MYRIP: variants seen among roughly 807,000 people sequenced by gnomAD.
MYRIP encodes myosin VIIA and Rab interacting protein, also known as rab effector MyRIP.
MYRIP carries 49 observed loss-of-function variants against 98.0 expected under a neutral mutation model. That is an observed-to-expected ratio of 0.50 (90% confidence interval 0.40 to 0.63). MYRIP has a LOEUF of 0.63. MYRIP is among the 30% of genes least tolerant of loss of function. The probability of loss-of-function intolerance (pLI) is 0.00; values close to 1 mark genes in which losing one functional copy is unlikely to be tolerated. For synonymous variants in MYRIP, 404 were observed against 409.5 expected, an observed-to-expected ratio of 0.99 and a Z score of 0.16; for missense variants, 1,004 against 1,058.2, an observed-to-expected ratio of 0.95 and a Z score of 0.71.
intron 2 of MYRIP, among the ~76,000 whole-genome samples, chr3:39,958,395 C>A (rs111943908): frequency 0.13 from 19,141 of 152,190 alleles, 1,310 homozygotes; most frequent in East Asian, 0.25. Context: ...ACCAACTGAT[C>A]TTTGACAAAC....
chr3:40,051,904 G>T (rs182710587), intron 3 of MYRIP, among the ~76,000 whole-genome samples: 1 of 151,668 alleles, frequency 6.6e-6, no homozygotes, highest in African/African-American at 2.4e-5. Context: ...TATTTTTATT[G>T]ATATATCTTA....
chr3:39,993,659 T>G (rs191542574), intron 2 of MYRIP, among the ~76,000 whole-genome samples: 2 of 152,340 alleles, frequency 1.3e-5, no homozygotes, highest in Non-Finnish European at 2.9e-5. Flanking sequence ...CTTTTCTTAA[T>G]TCACTGAGAA....
intron 1 of MYRIP, among the ~76,000 whole-genome samples, chr3:39,832,646 G>A (rs4676452): frequency 0.64 from 97,496 of 152,032 alleles, 31,632 homozygotes; most frequent in African/African-American, 0.73. Flanking sequence ...ACTTTATACA[G>A]TTGTTTAGGG....
At chr3:40,023,039 A>G (rs1243636950) in intron 2 of MYRIP, among the ~76,000 whole-genome samples, 1 of 152,174 alleles carries the variant, frequency 6.6e-6, no homozygotes, top group East Asian at 1.9e-4. Flanking sequence ...TGACACACAT[A>G]TGGATTACAC....
intron 2 of MYRIP, among the ~76,000 whole-genome samples, chr3:39,964,761 A>G (rs563368542): frequency 6.6e-6 from 1 of 152,270 alleles, no homozygotes; most frequent in South Asian, 2.1e-4. Context: ...TTTGAAGCAT[A>G]CTGCAGTAGA....
At chr3:40,139,900 G>A (rs139647986) in intron 3 of MYRIP, among the ~76,000 whole-genome samples, 87 of 152,206 alleles carry the variant, frequency 5.7e-4, no homozygotes, top group African/African-American at 1.8e-3. Flanking sequence ...TTTTATTGTT[G>A]AATAATAGTC....
intron 4 of MYRIP, among the ~76,000 whole-genome samples, chr3:40,160,556 A>C (rs1229613161): frequency 6.6e-6 from 1 of 152,162 alleles, no homozygotes; most frequent in Non-Finnish European, 1.5e-5. Flanking sequence ...TGTTTACCTA[A>C]GTAAGCCTGG....
At chr3:40,225,341 G>A (rs1380446566) in intron 11 of MYRIP, among the ~76,000 whole-genome samples, 1 of 152,194 alleles carries the variant, frequency 6.6e-6, no homozygotes, top group African/African-American at 2.4e-5. Flanking sequence ...CTTGGTCTTT[G>A]GCTTTCCAAA....
chr3:40,044,427 A>C lies in MYRIP; in HGVS notation c.332+156A>C, dbSNP rs148287700. 6.6e-4 allele frequency among the ~76,000 whole-genome samples: 100 copies of C among 152,292 alleles called. No individual in the cohort carries two copies. The Middle Eastern group carries it at 0.01, about 16-fold the overall frequency. ...GCTGAAGAGAGATGCATGGATAAGG[A>C]AACCTGTTGATCTTTATAGGGAGGA... On this transcript the variant is annotated intron_variant, in intron 3 of 16. Transcript: ENST00000302541.
At chr3:39,892,048 T>C (rs200312120) in intron 1 of MYRIP, among the ~76,000 whole-genome samples, 1 of 152,252 alleles carries the variant, frequency 6.6e-6, no homozygotes, top group East Asian at 1.9e-4. Flanking sequence ...TCTAGAAAGC[T>C]TCTTCTATCC....
At chr3:39,852,015 G>A (rs540042890) in intron 1 of MYRIP, among the ~76,000 whole-genome samples, 1 of 152,144 alleles carries the variant, frequency 6.6e-6, no homozygotes, top group African/African-American at 2.4e-5. Flanking sequence ...CCAGAGGGGA[G>A]TTCTTTGTTC....
chr3:40,140,353 C>A (rs1304761960), intron 3 of MYRIP, among the ~76,000 whole-genome samples: 2 of 152,124 alleles, frequency 1.3e-5, no homozygotes, highest in African/African-American at 4.8e-5. Context: ...ATCTTTTATC[C>A]CTTCATCTGT....
Position 40,160,963 on chromosome 3 carries a change from C to T in MYRIP, c.470-1767C>T, listed in dbSNP as rs1457827913. Among the ~76,000 whole-genome samples the T allele has an allele frequency of 1.3e-5, 2 of 152,222 alleles. 1 individual carries two copies. Among genetic ancestry groups the T allele is most frequent in the South Asian group, 4.1e-4 (2 of 4,826 alleles). On this transcript the variant is annotated intron_variant, in intron 4 of 16. Coordinates refer to ENST00000302541, the MANE Select transcript of MYRIP (RefSeq NM_015460.4). ...TGGAAATGTAGAAATCACCCGTCTT[C>T]TGCGTCGCTCACGCTGGGAGCTGTA...
intron 3 of MYRIP, among the ~76,000 whole-genome samples, chr3:40,142,906 A>G (rs977630686): frequency 2.0e-5 from 3 of 152,200 alleles, no homozygotes; most frequent in African/African-American, 7.2e-5. Flanking sequence ...ACACCTACTG[A>G]GGCTTAGAAG....
chr3:39,837,010 A>G (rs1357088193), intron 1 of MYRIP, among the ~76,000 whole-genome samples: 1 of 152,170 alleles, frequency 6.6e-6, no homozygotes, highest in Non-Finnish European at 1.5e-5. Flanking sequence ...CTAATGCTGT[A>G]AGGTAAGACC....
rs1440645199 is a variant in MYRIP at position 40,251,983 on chromosome 3, C to A, written c.2531C>A (p.Thr844Asn). ...STNRTKERKG[T>N]TKDLMEPALE... ...AACAGGACTAAGGAAAGGAAAGGCA[C>A]CACCAAGGATTTGATGGTAAATGTC... Residue 844 changes from threonine to asparagine, a missense_variant, in exon 16 of 17, where the codon ACC (threonine) becomes AAC (asparagine). Thr to Asn is a moderately conservative substitution (Grantham distance 65). Coordinates refer to ENST00000302541, the MANE Select transcript of MYRIP (RefSeq NM_015460.4). 6.2e-7 allele frequency: 1 copy of A among 1,607,908 alleles called. No homozygotes were observed. The highest frequency in any genetic ancestry group is 8.5e-7 in the Non-Finnish European group (1 of 1,174,562).
intron 3 of MYRIP, among the ~76,000 whole-genome samples, chr3:40,072,623 C>T (rs993244143): frequency 6.6e-6 from 1 of 152,052 alleles, no homozygotes; most frequent in Non-Finnish European, 1.5e-5. Flanking sequence ...TTTGTGATTT[C>T]TTCTTTAACT....
In MYRIP at chr3:40,128,461, A is replaced by G. The variant is rs931252665; in HGVS notation, c.333-22587A>G. Among the ~76,000 whole-genome samples the G allele has an allele frequency of 4.6e-5, 7 of 152,156 alleles. No homozygotes were observed. The South Asian group carries it at 8.3e-4, about 18-fold the overall frequency. Reference sequence around the variant, plus strand: ...ATGTAGTTTATATAGCATTTTCACAACACCCTTCCCTTAATGACCTCCACC... The same window carrying G: ...ATGTAGTTTATATAGCATTTTCACAGCACCCTTCCCTTAATGACCTCCACC... On this transcript the variant is annotated intron_variant, in intron 3 of 16. Transcript: ENST00000302541.
intron 4 of MYRIP, among the ~76,000 whole-genome samples, chr3:40,160,276 A>G (rs1309402195): frequency 4.6e-5 from 7 of 152,168 alleles, no homozygotes; most frequent in South Asian, 2.1e-4. Flanking sequence ...GTCTGCCCCT[A>G]CTGGGGGGTG....
Sources: gnomAD v4.1 joint callset for allele counts (sites outside exome capture counted in the v4.1 genomes callset) on GRCh38, gnomAD v4.1.1 for gene constraint, MANE v1.5 for transcripts, NCBI Gene and HGNC (gene_info 2026-07-23, HGNC 2026-07-21) for gene names.